The following ANK2 variants were observed in gnomAD, a reference collection of about 807,000 sequenced individuals.
ANK2 encodes ankyrin-2.
Under a neutral mutation model 360.5 loss-of-function variants are expected in ANK2, and 83 were observed. The ratio of observed to expected loss-of-function variants is 0.23; its 90% CI spans 0.19 to 0.28. ANK2 has a LOEUF of 0.28. ANK2 is among the 10% of genes least tolerant of loss of function. ANK2 has a pLI of 1.00. For missense variants in ANK2, 4,201 were observed against 4,795.7 expected (o/e 0.88, Z 3.66); for synonymous variants, 1,740 against 1,759.5 (o/e 0.99, Z 0.28).
In ANK2 at chr4:113,341,992, C is replaced by A. The variant is rs948821835; in HGVS notation, c.4122+76C>A. On this transcript the variant is annotated intron_variant, in intron 33 of 45. Transcript: ENST00000357077. ...CATTAATAGATTACATTTCAAATATCATTTAATAAATAGAATAATTAAAAA... is the reference window on the plus strand; with the variant it reads ...CATTAATAGATTACATTTCAAATATAATTTAATAAATAGAATAATTAAAAA... 24 of 1,277,830 alleles carry A rather than the reference C, an allele frequency of 1.9e-5. No individual in the cohort carries two copies. In the African/African-American group the frequency reaches 2.7e-4, roughly 14 times the overall value. The allele number at this position is 1,277,830 out of a possible 1,614,324, so 79.2% of individuals were successfully genotyped here. A position where few individuals can be genotyped will look rare whatever the true frequency, so the allele number is the denominator to read the frequency against.
chr4:113,376,848 A>G (rs1454584561), intron 45 of ANK2, among the ~76,000 whole-genome samples: 1 of 120,440 alleles, frequency 8.3e-6, no homozygotes, highest in Non-Finnish European at 1.6e-5. Context: ...CTAAGCATGT[A>G]CATTAGCCTA....
intron 2 of ANK2, among the ~76,000 whole-genome samples, chr4:113,032,856 G>A (rs889413457): frequency 3.9e-5 from 6 of 151,970 alleles, no homozygotes; most frequent in African/African-American, 1.4e-4. Context: ...GAAAATATCT[G>A]CTATCAAGCT....
chr4:113,093,584 C>G (rs2089619897), intron 1 of ANK2, among the ~76,000 whole-genome samples: 2 of 152,178 alleles, frequency 1.3e-5, no homozygotes, highest in African/African-American at 4.8e-5. Context: ...AAGTGATCTG[C>G]CTACCTTGGC....
chr4:113,226,313 G>A (rs1022085304), intron 4 of ANK2, among the ~76,000 whole-genome samples: 1 of 152,146 alleles, frequency 6.6e-6, no homozygotes, highest in Non-Finnish European at 1.5e-5. Flanking sequence ...GGCAGACAGG[G>A]ACTGATCCCT....
At chr4:112,807,062 G>T in the ANK2 span, among the ~76,000 whole-genome samples, 1 of 152,244 alleles carries the variant, frequency 6.6e-6, no homozygotes, top group South Asian at 2.1e-4. Context: ...GTGTTTATTA[G>T]CATGGCTTCC....
At chr4:113,223,845 A>T (rs1042626839) in intron 4 of ANK2, among the ~76,000 whole-genome samples, 3 of 152,202 alleles carry the variant, frequency 2.0e-5, no homozygotes, top group Non-Finnish European at 4.4e-5. Context: ...AGAGTTTCTC[A>T]TAAGGTTGTA....
At chr4:113,053,128 G>A (rs1580161807) in intron 1 of ANK2, among the ~76,000 whole-genome samples, 1 of 152,310 alleles carries the variant, frequency 6.6e-6, no homozygotes. Flanking sequence ...GGCCTTGTCT[G>A]ATGCTGATGC....
chr4:113,297,589 G>A (rs1313289904), intron 22 of ANK2, among the ~76,000 whole-genome samples: 1 of 152,020 alleles, frequency 6.6e-6, no homozygotes, highest in East Asian at 1.9e-4. Flanking sequence ...CCATAAAAAT[G>A]GCAATACAAT....
rs140987119 is a variant in ANK2, at chr4:113,126,809, C to T, written c.85-47607C>T. Reference sequence around the variant, plus strand: ...CAACACAAGGGACAATATTTTAGAACTTTCAGCTTTCATACTAGAAAAGAG... The same window carrying T: ...CAACACAAGGGACAATATTTTAGAATTTTCAGCTTTCATACTAGAAAAGAG... On this transcript the variant is annotated intron_variant, in intron 1 of 45. Transcript: ENST00000357077. Among the ~76,000 whole-genome samples, 342 of 152,272 alleles carry T rather than the reference C, an allele frequency of 2.2e-3. 4 individuals carry two copies. The highest frequency in any genetic ancestry group is 7.7e-3 in the African/African-American group (319 of 41,560).
Position 112,829,491 on chromosome 4 carries a change from C to CAAAAAAAAAAAAAAAAAAAAAAAAA in ANK2, c.-40+11246_-40+11247insAAAAAAAAAAAAAAAAAAAAAAAAA, listed in dbSNP as rs60272903. 2.5e-3 allele frequency among the ~76,000 whole-genome samples: 153 copies of CAAAAAAAAAAAAAAAAAAAAAAAAA among 60,678 alleles called. 15 individuals carry two copies. The highest frequency in any genetic ancestry group is 3.9e-3 in the East Asian group (12 of 3,056). The allele number at this position is 60,678 out of a possible 152,430, so 39.8% of individuals were successfully genotyped here. A position where few individuals can be genotyped will look rare whatever the true frequency, so the allele number is the denominator to read the frequency against. ...GCAACATAGTATGAGCCCATCTCTA[C>CAAAAAAAAAAAAAAAAAAAAAAAAA]AAAAAAAAAAAAAAAAAAAGGAAGG... On this transcript the variant is annotated intron_variant, in intron 1 of 30. Transcript: ENST00000503271.
chr4:113,357,229 A>T lies in ANK2; in HGVS notation c.8611A>T (p.Ile2871Phe). ...LDEDISATSS[I>F]QKTEVTKTDE... ...TGAAGACATATCTGCCACATCTTCT[A>T]TTCAAAAAACAGAGGTCACAAAAAC... The change falls in exon 38 of 46, where the codon ATT becomes TTT. Residue 2871 changes from isoleucine (I) to phenylalanine (F), a missense_variant. This residue lies in a region of ANK2 where 2,642 missense variants were observed against 2,714.5 expected (regional missense o/e 0.97). Coordinates refer to ENST00000357077, the MANE Select transcript of ANK2 (RefSeq NM_001148.6). The T allele has an allele frequency of 6.2e-7, 1 of 1,614,098 alleles. No individual in the cohort carries two copies. Among genetic ancestry groups the T allele is most frequent in the Non-Finnish European group, 8.5e-7 (1 of 1,179,982 alleles).
At chr4:113,296,192 G>A (rs534581775) in intron 22 of ANK2, among the ~76,000 whole-genome samples, 1 of 152,174 alleles carries the variant, frequency 6.6e-6, no homozygotes, top group Admixed American at 6.5e-5. Flanking sequence ...TGAAGAAACT[G>A]TTTTCACCTA....
intron 22 of ANK2, among the ~76,000 whole-genome samples, chr4:113,294,232 T>C (rs1327573289): frequency 1.3e-5 from 2 of 152,200 alleles, no homozygotes; most frequent in African/African-American, 2.4e-5. Flanking sequence ...CTAATGCTCC[T>C]GTACCATTCA....
intron 2 of ANK2, among the ~76,000 whole-genome samples, chr4:112,959,958 G>A (rs2033845379): frequency 6.6e-6 from 1 of 152,132 alleles, no homozygotes; most frequent in Non-Finnish European, 1.5e-5. Flanking sequence ...TGAATGTTAA[G>A]CAGCTGAAAG....
chr4:113,274,735 G>GA, intron 15 of ANK2, 86 bp downstream of exon 15: 2 of 1,419,188 alleles, frequency 1.4e-6, no homozygotes, highest in Non-Finnish European at 2.0e-6. Flanking sequence ...GAATCAAGAG[G>GA]GTAGATCTCC....
intron 1 of ANK2, among the ~76,000 whole-genome samples, chr4:112,900,764 T>A (rs2083096009): frequency 6.6e-6 from 1 of 152,224 alleles, no homozygotes. Flanking sequence ...TCATCACCTC[T>A]GTGAAGATTA....
At chr4:113,200,164 G>A (rs2098809685) in intron 4 of ANK2, among the ~76,000 whole-genome samples, 1 of 152,070 alleles carries the variant, frequency 6.6e-6, no homozygotes, top group African/African-American at 2.4e-5. Flanking sequence ...TCAGTTGGAT[G>A]CACATCAATG....
chr4:112,777,004 A>T, the ANK2 span, among the ~76,000 whole-genome samples: 1,065 of 152,318 alleles, frequency 7.0e-3, 7 homozygotes, highest in African/African-American at 0.022. Flanking sequence ...AGTTGTTTCT[A>T]AAAATTGAAA....
intron 1 of ANK2, among the ~76,000 whole-genome samples, chr4:112,819,646 T>C (rs1179242509): frequency 6.6e-6 from 1 of 152,184 alleles, no homozygotes; most frequent in African/African-American, 2.4e-5. Context: ...TCCACTGAAC[T>C]GCATAAACAC....
Sources: gnomAD v4.1 joint callset for allele counts (sites outside exome capture counted in the v4.1 genomes callset) on GRCh38, gnomAD v4.1.1 for gene constraint, gnomAD v4.1.1 regional missense constraint, MANE v1.5 for transcripts, NCBI Gene and HGNC (gene_info 2026-07-23, HGNC 2026-07-21) for gene names.